PHKB: variants seen among roughly 807,000 people sequenced by gnomAD.
The protein encoded by PHKB is phosphorylase kinase regulatory subunit beta, also known as phosphorylase b kinase regulatory subunit beta.
Under a neutral mutation model 152.1 loss-of-function variants are expected in PHKB, and 122 were observed. The ratio of observed to expected loss-of-function variants is 0.80; its 90% CI spans 0.69 to 0.93. PHKB has a LOEUF of 0.93. Ranked by LOEUF, PHKB falls within the 40% of genes least tolerant of loss-of-function variation. The pLI is 0.00. For synonymous variants in PHKB, 436 were observed against 464.9 expected, an observed-to-expected ratio of 0.94 and a Z score of 0.80; for missense variants, 1,304 against 1,328.4, an observed-to-expected ratio of 0.98 and a Z score of 0.29.
intron 7 of PHKB, among the ~76,000 whole-genome samples, chr16:47,567,072 A>G (rs765159707): frequency 6.6e-6 from 1 of 152,098 alleles, no homozygotes; most frequent in Non-Finnish European, 1.5e-5. Flanking sequence ...TTGACTATTC[A>G]GGATGGTTTT....
In PHKB at chr16:47,511,679, G is replaced by T; in HGVS notation, c.420G>T (p.Lys140Asn). Residue 140 changes from lysine to asparagine, a missense_variant, in exon 5 of 31, where the codon AAG becomes AAT. Lys to Asn is a moderately conservative substitution (Grantham distance 94). Coordinates refer to ENST00000323584, the MANE Select transcript of PHKB (RefSeq NM_000293.3). ...MRQADKVQQFKQDPRPTTCLH... is the reference protein window; with the variant it reads ...MRQADKVQQFNQDPRPTTCLH... ...TTTCATTCTAGGTCCAGCAGTTTAA[G>T]CAGGATCCACGCCCAACAACATGTC... The T allele has an allele frequency of 1.9e-6, 3 of 1,610,766 alleles. No homozygotes were observed. In the South Asian group the frequency reaches 3.3e-5, roughly 18 times the overall value.
intron 1 of PHKB, among the ~76,000 whole-genome samples, chr16:47,473,987 C>G (rs1360731395): frequency 6.6e-6 from 1 of 152,176 alleles, no homozygotes; most frequent in African/African-American, 2.4e-5. Flanking sequence ...CTAACTGAAA[C>G]TTTGTACCCT....
At chr16:47,644,178 A>T (rs1315615276) in intron 16 of PHKB, among the ~76,000 whole-genome samples, 2 of 152,152 alleles carry the variant, frequency 1.3e-5, no homozygotes. Context: ...GAAACTATTA[A>T]TATATGAGGG....
chr16:47,631,875 T>C (rs893766007), intron 14 of PHKB, among the ~76,000 whole-genome samples: 2 of 152,170 alleles, frequency 1.3e-5, no homozygotes, highest in African/African-American at 4.8e-5. Flanking sequence ...ATCCAGTCCA[T>C]CATTGATGGG....
intron 14 of PHKB, among the ~76,000 whole-genome samples, chr16:47,612,450 G>A (rs562324009): frequency 1.6e-4 from 25 of 152,156 alleles, no homozygotes; most frequent in Non-Finnish European, 3.4e-4. Flanking sequence ...GTAAATTTTG[G>A]TGTACAATAT....
At chr16:47,541,513 G>C (rs1320762222) in intron 6 of PHKB, among the ~76,000 whole-genome samples, 1 of 152,224 alleles carries the variant, frequency 6.6e-6, no homozygotes, top group Non-Finnish European at 1.5e-5. Flanking sequence ...AATATACCCA[G>C]TAATGGGATG....
At chr16:47,599,021 G>A (rs1394492390) in intron 13 of PHKB, 14 of 751,048 alleles carry the variant, frequency 1.9e-5, no homozygotes, top group South Asian at 1.3e-4. Flanking sequence ...CCAACGATTC[G>A]ATCAACACAT....
chr16:47,600,749 T>A (rs1256680778), intron 13 of PHKB, among the ~76,000 whole-genome samples: 1 of 152,246 alleles, frequency 6.6e-6, no homozygotes, highest in Non-Finnish European at 1.5e-5. Flanking sequence ...TATTTAAACA[T>A]AGAAAATGTT....
intron 7 of PHKB, chr16:47,566,706 C>G: frequency 2.6e-6 from 2 of 783,040 alleles, no homozygotes; most frequent in Non-Finnish European, 4.6e-6. Flanking sequence ...TGGAGGTGCC[C>G]TATACACATC....
At chr16:47,546,700 C>T (rs1431541005) in intron 6 of PHKB, among the ~76,000 whole-genome samples, 1 of 152,124 alleles carries the variant, frequency 6.6e-6, no homozygotes, top group Admixed American at 6.5e-5. Context: ...TTCACCTATG[C>T]CATGCCCCCA....
At chr16:47,632,776 C>T (rs954168930) in intron 14 of PHKB, among the ~76,000 whole-genome samples, 3 of 152,122 alleles carry the variant, frequency 2.0e-5, no homozygotes, top group African/African-American at 7.2e-5. Flanking sequence ...TCTGTGTGCC[C>T]TTTGAAAGTT....
At chr16:47,671,196 C>G (rs1157275775) in intron 26 of PHKB, among the ~76,000 whole-genome samples, 1 of 152,216 alleles carries the variant, frequency 6.6e-6, no homozygotes, top group African/African-American at 2.4e-5. Context: ...CTTTCTCCAT[C>G]TGTCATTATT....
chr16:47,657,077 T>G (rs1336217552), intron 20 of PHKB, among the ~76,000 whole-genome samples: 1 of 152,176 alleles, frequency 6.6e-6, no homozygotes, highest in Non-Finnish European at 1.5e-5. Flanking sequence ...AATTTCTCCT[T>G]TCATTGTCCT....
Position 47,566,078 on chromosome 16 carries a change from G to T in PHKB, c.711-14217G>T. 4 of 658,570 alleles carry T rather than the reference G, an allele frequency of 6.1e-6. No homozygotes were observed. The South Asian group carries it at 7.0e-5, about 12-fold the overall frequency. 40.8% of individuals were successfully genotyped at this position (658,570 alleles called of 1,614,324 possible). ...GGTACCCACTGCCAAATGCTTTTTT[G>T]CCATTGCCTATCTGGGAATCATAGC... On this transcript the variant is annotated intron_variant, in intron 7 of 30. Transcript: ENST00000323584.
intron 6 of PHKB, among the ~76,000 whole-genome samples, chr16:47,515,940 T>A: frequency 6.6e-6 from 1 of 151,970 alleles, no homozygotes; most frequent in East Asian, 1.9e-4. Flanking sequence ...TCTTTTTTTT[T>A]TTTTTTGAGA....
chr16:47,693,067 C>T (rs772195489), intron 27 of PHKB, among the ~76,000 whole-genome samples: 6 of 152,092 alleles, frequency 3.9e-5, no homozygotes, highest in South Asian at 4.1e-4. Flanking sequence ...ACAGCTGCTG[C>T]GTTTTTAAAG....
intron 1 of PHKB, among the ~76,000 whole-genome samples, chr16:47,485,259 G>A (rs888501836): frequency 5.9e-5 from 9 of 152,150 alleles, no homozygotes; most frequent in Non-Finnish European, 8.8e-5. Flanking sequence ...GTGGAACTGT[G>A]CAGAAAATAA....
chr16:47,642,068 A>C (rs1170839987), intron 16 of PHKB, among the ~76,000 whole-genome samples: 1 of 151,924 alleles, frequency 6.6e-6, no homozygotes, highest in Non-Finnish European at 1.5e-5. Flanking sequence ...ATGTATTCTT[A>C]CATTTTGATT....
At position 47,596,628 on chromosome 16, in the gene PHKB, T is replaced by C. The variant is rs12445959; in HGVS notation, c.1363+97T>C. 0.097 allele frequency: 112,751 copies of C among 1,163,968 alleles called. 7,491 individuals carry two copies. Among genetic ancestry groups the C allele is most frequent in the Admixed American group, 0.29 (16,097 of 55,666 alleles). The allele number at this position is 1,163,968 out of a possible 1,614,324, so 72.1% of individuals were successfully genotyped here. ...TGGTGTTTATGTTGGATTTGGGTGGTGTTTCATGGTCTTGAGAGGTCTTTA... is the reference window on the plus strand; with the variant it reads ...TGGTGTTTATGTTGGATTTGGGTGGCGTTTCATGGTCTTGAGAGGTCTTTA... On this transcript the variant is annotated intron_variant, in intron 13 of 30. Transcript: ENST00000323584.
Sources: gnomAD v4.1 joint callset for allele counts (sites outside exome capture counted in the v4.1 genomes callset) on GRCh38, gnomAD v4.1.1 for gene constraint, MANE v1.5 for transcripts, NCBI Gene and HGNC (gene_info 2026-07-23, HGNC 2026-07-21) for gene names.